COL25A1: variants seen among roughly 807,000 people sequenced by gnomAD.
COL25A1 encodes collagen alpha-1(XXV) chain.
COL25A1 carries 103 observed loss-of-function variants against 128.4 expected under a neutral mutation model. That is an observed-to-expected ratio of 0.80 (90% CI 0.68 to 0.94). COL25A1 has a LOEUF of 0.94. Among genes scored for constraint, COL25A1 ranks in the 40% least tolerant of loss-of-function variants. The pLI is 0.00. For missense variants in COL25A1, 745 were observed against 840.0 expected (o/e 0.89, Z 1.40); for synonymous variants, 279 against 277.2 (o/e 1.01, Z -0.06).
chr4:109,022,289 T>C (rs1231235569), intron 5 of COL25A1: 3 of 387,986 alleles, frequency 7.7e-6, no homozygotes, highest in South Asian at 1.9e-5. Flanking sequence ...CACTGAAATA[T>C]TGGGGGCGGG....
chr4:108,981,957 A>G (rs1753014866), intron 6 of COL25A1, among the ~76,000 whole-genome samples: 1 of 152,166 alleles, frequency 6.6e-6, no homozygotes, highest in Non-Finnish European at 1.5e-5. Flanking sequence ...GCACTTTAGG[A>G]GGCTGAGGCA....
intron 6 of COL25A1, among the ~76,000 whole-genome samples, chr4:108,984,484 G>A (rs556228446): frequency 6.6e-6 from 1 of 150,784 alleles, no homozygotes; most frequent in Non-Finnish European, 1.5e-5. Context: ...GAGACCATGA[G>A]GGGGGCGGGA....
intron 25 of COL25A1, 135 bp downstream of exon 25, chr4:108,852,767 A>G: frequency 1.4e-6 from 1 of 691,682 alleles, no homozygotes; most frequent in Non-Finnish European, 2.4e-6. Context: ...AGCAAATGTA[A>G]AAGATTATTA....
At chr4:108,904,948 T>G (rs940963233) in intron 13 of COL25A1, among the ~76,000 whole-genome samples, 1 of 152,092 alleles carries the variant, frequency 6.6e-6, no homozygotes, top group Non-Finnish European at 1.5e-5. Flanking sequence ...AACTCTAATG[T>G]AAAACATCAC....
At chr4:109,063,551 T>C (rs1381297379) in intron 3 of COL25A1, among the ~76,000 whole-genome samples, 1 of 146,162 alleles carries the variant, frequency 6.8e-6, no homozygotes, top group African/African-American at 2.5e-5. Flanking sequence ...GATAAAAAAA[T>C]GAGGTACAGC....
intron 3 of COL25A1, among the ~76,000 whole-genome samples, chr4:109,149,583 T>C (rs532710249): frequency 1.3e-5 from 2 of 152,290 alleles, no homozygotes; most frequent in African/African-American, 4.8e-5. Context: ...GGATAATATA[T>C]GTTATGTCAC....
At position 108,869,222 on chromosome 4, in the gene COL25A1, A is replaced by AAATAAATAAAT. The variant is rs1246190605; in HGVS notation, c.1021-73_1021-72insATTTATTTATT. 304 of 179,122 alleles carry AAATAAATAAAT rather than the reference A, an allele frequency of 1.7e-3. 2 individuals are homozygous for AAATAAATAAAT. In the East Asian group the frequency reaches 0.022, roughly 13 times the overall value. 11.1% of individuals were successfully genotyped at this position (179,122 alleles called of 1,614,324 possible). A position where few individuals can be genotyped will look rare whatever the true frequency, so the allele number is the denominator to read the frequency against. ...TAAATAAATAAATAAATAAATAAAT[A>AAATAAATAAAT]AAAACTAAACTCATTTTCTTCTACT... On this transcript the variant is annotated intron_variant, in intron 19 of 37. Transcript: ENST00000399132.
intron 23 of COL25A1, among the ~76,000 whole-genome samples, chr4:108,859,974 C>T (rs10001134): frequency 0.26 from 38,810 of 151,970 alleles, 5,194 homozygotes; most frequent in Middle Eastern, 0.29. Context: ...ATAAAAAATA[C>T]GATTTAATTT....
At chr4:109,112,341 T>C (rs72670349) in intron 3 of COL25A1, among the ~76,000 whole-genome samples, 91 of 152,252 alleles carry the variant, frequency 6.0e-4, no homozygotes, top group Non-Finnish European at 9.6e-4. Flanking sequence ...CTATTTTTCT[T>C]AAAGTAAATA....
chr4:109,083,715 C>A (rs1284177519), intron 3 of COL25A1, among the ~76,000 whole-genome samples: 4 of 151,966 alleles, frequency 2.6e-5, no homozygotes, highest in Non-Finnish European at 5.9e-5. Flanking sequence ...CCGCCCGCCT[C>A]AGCATCCCAA....
chr4:108,913,261 C>CTTTTTTTTTTTTTTTTTTTTTTTTTTTTT (rs201929872), intron 13 of COL25A1, among the ~76,000 whole-genome samples: 1 of 92,396 alleles, frequency 1.1e-5, no homozygotes, highest in Non-Finnish European at 2.1e-5. Flanking sequence ...TCTCTAGCTC[C>CTTTTTTTTTTTTTTTTTTTTTTTTTTTTT]TTTTTTTTTT....
chr4:109,123,631 T>C (rs1768309824), intron 3 of COL25A1, among the ~76,000 whole-genome samples: 1 of 152,072 alleles, frequency 6.6e-6, no homozygotes, highest in Non-Finnish European at 1.5e-5. Flanking sequence ...GAACCAAAGA[T>C]TAAGAAGTAC....
intron 3 of COL25A1, among the ~76,000 whole-genome samples, chr4:109,282,595 T>C (rs1723478807): frequency 6.6e-6 from 1 of 152,204 alleles, no homozygotes; most frequent in Admixed American, 6.6e-5. Context: ...AAGATATTCT[T>C]CAATATCATT....
chr4:109,288,990 CACACACACACACACAT>C (rs1724181979), intron 3 of COL25A1, among the ~76,000 whole-genome samples: 1 of 151,548 alleles, frequency 6.6e-6, no homozygotes. Context: ...CACACACACA[CACACACACACACACAT>C]ATATATACAA....
chr4:108,999,061 AG>A (rs1218017321), intron 6 of COL25A1, among the ~76,000 whole-genome samples: 1 of 152,230 alleles, frequency 6.6e-6, no homozygotes, highest in African/African-American at 2.4e-5. Flanking sequence ...ATGGGCAAAA[AG>A]TTCATGACTA....
At position 108,907,746 on chromosome 4, in the gene COL25A1, C is replaced by T. The variant is rs182928797; in HGVS notation, c.781-6574G>A. ...ATTGAAGCAGCTTGTGTCTAAAAAT[C>T]TCATTCAATTTTATCGTTTCTTTTC... On this transcript the variant is annotated intron_variant, in intron 13 of 37. Transcript: ENST00000399132. Among the ~76,000 whole-genome samples, 431 of 152,320 alleles carry T rather than the reference C, an allele frequency of 2.8e-3. 1 individual carries two copies. Among genetic ancestry groups the T allele is most frequent in the Non-Finnish European group, 4.4e-3 (300 of 68,020 alleles).
At chr4:109,119,622 C>T (rs1447880536) in intron 3 of COL25A1, among the ~76,000 whole-genome samples, 8 of 152,068 alleles carry the variant, frequency 5.3e-5, no homozygotes, top group Middle Eastern at 6.8e-3. Flanking sequence ...GATCTGAGTA[C>T]GCCTATTAAT....
intron 14 of COL25A1, among the ~76,000 whole-genome samples, chr4:108,900,394 G>T (rs1259222193): frequency 6.6e-6 from 1 of 152,144 alleles, no homozygotes; most frequent in Non-Finnish European, 1.5e-5. Flanking sequence ...TGTAAAATCA[G>T]CTGACAGGCA....
At chr4:109,005,335 G>T (rs1234608412) in intron 6 of COL25A1, among the ~76,000 whole-genome samples, 2 of 152,060 alleles carry the variant, frequency 1.3e-5, no homozygotes, top group African/African-American at 4.8e-5. Flanking sequence ...TCACCCCTAT[G>T]ATCCAATCAC....
Sources: allele counts gnomAD v4.1 joint callset (sites outside exome capture counted in the v4.1 genomes callset), GRCh38; gene constraint gnomAD v4.1.1; transcripts MANE v1.5; gene names NCBI Gene and HGNC (gene_info 2026-07-23, HGNC 2026-07-21).